ZNF704: variants seen among roughly 807,000 people sequenced by gnomAD.
ZNF704 encodes glucocorticoid induced gene 1.
ZNF704 carries 10 observed loss-of-function variants against 44.7 expected under a neutral mutation model. That is an observed-to-expected ratio of 0.22 (90% CI 0.14 to 0.38). The LOEUF is 0.38. Ranked by LOEUF, ZNF704 falls within the 10% of genes least tolerant of loss-of-function variation. The pLI, the probability that ZNF704 is intolerant of heterozygous loss-of-function variation, is 1.00. For missense variants in ZNF704, 390 were observed against 545.5 expected (o/e 0.71, Z 2.84); for synonymous variants, 211 against 207.6 (o/e 1.02, Z -0.14).
At chr8:80,789,121 C>T (rs1443486118) in intron 2 of ZNF704, among the ~76,000 whole-genome samples, 1 of 151,944 alleles carries the variant, frequency 6.6e-6, no homozygotes, top group Admixed American at 6.6e-5. Context: ...CCAAGAGAAA[C>T]CATAAGAAAA....
At chr8:80,849,504 C>T (rs1231060308) in intron 1 of ZNF704, among the ~76,000 whole-genome samples, 1 of 152,220 alleles carries the variant, frequency 6.6e-6, no homozygotes, top group Admixed American at 6.5e-5. Context: ...TTATTTCCCA[C>T]AGACTCTAGA....
chr8:80,766,178 T>C (rs1277077413), intron 2 of ZNF704, among the ~76,000 whole-genome samples: 1 of 152,190 alleles, frequency 6.6e-6, no homozygotes, highest in Non-Finnish European at 1.5e-5. Flanking sequence ...TCACAGTAAC[T>C]GATCCAAGGG....
chr8:80,743,292 G>A (rs1806794159), intron 2 of ZNF704, among the ~76,000 whole-genome samples: 1 of 150,718 alleles, frequency 6.6e-6, no homozygotes. Flanking sequence ...TCTTATCAGT[G>A]CAAAGGTTAA....
intron 3 of ZNF704, among the ~76,000 whole-genome samples, chr8:80,689,337 G>A (rs1244229493): frequency 2.0e-5 from 3 of 152,160 alleles, no homozygotes; most frequent in Middle Eastern, 3.2e-3. Flanking sequence ...AGTTGAAATA[G>A]GAGAAACTAC....
chr8:80,685,053 G>A (rs1296832064), intron 4 of ZNF704, among the ~76,000 whole-genome samples: 1 of 151,846 alleles, frequency 6.6e-6, no homozygotes, highest in Admixed American at 6.6e-5. Flanking sequence ...AAGAAAGAAG[G>A]ATAAACACTA....
chr8:80,823,994 A>T (rs1383453122), intron 1 of ZNF704, among the ~76,000 whole-genome samples: 1 of 152,204 alleles, frequency 6.6e-6, no homozygotes, highest in African/African-American at 2.4e-5. Context: ...AAAAGCTGAA[A>T]ATTCTAAAAA....
intron 2 of ZNF704, among the ~76,000 whole-genome samples, chr8:80,775,077 G>A (rs1209872876): frequency 1.3e-5 from 2 of 151,954 alleles, no homozygotes; most frequent in East Asian, 3.9e-4. Flanking sequence ...ATGTCTACTC[G>A]AGCTTCCAAA....
At chr8:80,725,747 G>T (rs1188829657) in intron 2 of ZNF704, among the ~76,000 whole-genome samples, 1 of 152,108 alleles carries the variant, frequency 6.6e-6, no homozygotes. Context: ...ATGTCTCCCT[G>T]GGGGCTTACT....
chr8:80,692,315 TCTGTAAAATAGTGATAATAATAC>T (rs577196351), intron 3 of ZNF704, among the ~76,000 whole-genome samples: 196 of 152,362 alleles, frequency 1.3e-3, no homozygotes, highest in African/African-American at 4.5e-3. Context: ...AGTTTACTCA[TCTGTAAAATAGTGATAATAATAC>T]CTCATAGAAT....
At position 80,739,772 on chromosome 8, in the gene ZNF704, G is replaced by A. The variant is rs1038406420; in HGVS notation, c.222-46665C>T. Among the ~76,000 whole-genome samples, 13 of 152,314 alleles carry A rather than the reference G, an allele frequency of 8.5e-5. No homozygotes were observed. In the South Asian group the frequency reaches 2.5e-3, roughly 29 times the overall value. On this transcript the variant is annotated intron_variant, in intron 2 of 8. Transcript: ENST00000327835. Reference sequence around the variant, plus strand: ...TGAATGCTAATAGGGCTTGCTTCCAGTGCGGTCTACAAGGACACTTTAAAA... The same window carrying A: ...TGAATGCTAATAGGGCTTGCTTCCAATGCGGTCTACAAGGACACTTTAAAA...
intron 7 of ZNF704, among the ~76,000 whole-genome samples, chr8:80,647,368 G>C (rs7840090): frequency 0.032 from 4,918 of 152,268 alleles, 290 homozygotes; most frequent in African/African-American, 0.11. Context: ...AGGGTGGGAG[G>C]AGAGGAGACG....
chr8:80,761,431 G>A (rs1333152289), intron 2 of ZNF704, among the ~76,000 whole-genome samples: 1 of 152,054 alleles, frequency 6.6e-6, no homozygotes, highest in Non-Finnish European at 1.5e-5. Flanking sequence ...CTTTTTGGGG[G>A]TTTGGGCCAT....
chr8:80,882,967 G>C, the ZNF704 span, among the ~76,000 whole-genome samples: 1 of 150,944 alleles, frequency 6.6e-6, no homozygotes, highest in Non-Finnish European at 1.5e-5. Context: ...GCCAGGTGTG[G>C]TGGCTCATGC....
At position 80,821,558 on chromosome 8, in the gene ZNF704, C is replaced by A; in HGVS notation, c.37G>T (p.Asp13Tyr). Reference protein sequence around the residue: ...FTFQSEDLKRDCGKKMSHQHV... With the variant: ...FTFQSEDLKRYCGKKMSHQHV... ...TGATGAGACATTTTTTTACCACAGT[C>A]ACGTTTTAAGTCCTCTGACTGAAAT... is the stretch of plus-strand genomic sequence containing the variant. Residue 13 changes from aspartate to tyrosine, a missense_variant, in exon 2 of 9, where the codon GAC becomes TAC. By Grantham distance (160) the Asp-to-Tyr change is radical (BLOSUM62 -3). Around this residue, in one of 3 missense-constraint regions of ZNF704, gnomAD observed 80 missense variants for 83.7 expected, o/e 0.96. Coordinates refer to ENST00000327835, the MANE Select transcript of ZNF704 (RefSeq NM_001033723.3). The A allele has an allele frequency of 6.2e-7, 1 of 1,613,986 alleles. No homozygotes were observed. The highest frequency in any genetic ancestry group is 1.1e-5 in the South Asian group (1 of 90,994).
In ZNF704 at chr8:80,781,447, C is replaced by T. The variant is rs562169792; in HGVS notation, c.221+39927G>A. Among the ~76,000 whole-genome samples the T allele has an allele frequency of 2.4e-4, 36 of 152,254 alleles. 1 individual carries two copies. The highest frequency in any genetic ancestry group is 1.6e-3 in the Admixed American group (24 of 15,284). On this transcript the variant is annotated intron_variant, in intron 2 of 8. Coordinates refer to ENST00000327835, the MANE Select transcript of ZNF704 (RefSeq NM_001033723.3). ...AAATTTGAATTTCATATAATTTTCA[C>T]GTCATGAAATATTATTCTTCTTTTG...
At chr8:80,746,884 T>A (rs1052118372) in intron 2 of ZNF704, among the ~76,000 whole-genome samples, 12 of 152,094 alleles carry the variant, frequency 7.9e-5, no homozygotes, top group African/African-American at 2.9e-4. Context: ...TAAGGTGAAA[T>A]GAAAATATAG....
chr8:80,747,868 C>T (rs920507885), intron 2 of ZNF704, among the ~76,000 whole-genome samples: 5 of 152,176 alleles, frequency 3.3e-5, no homozygotes, highest in Non-Finnish European at 5.9e-5. Context: ...AGGTGCATGC[C>T]ACCACACCTG....
At chr8:80,783,607 A>C (rs1044401866) in intron 2 of ZNF704, among the ~76,000 whole-genome samples, 1 of 152,192 alleles carries the variant, frequency 6.6e-6, no homozygotes, top group African/African-American at 2.4e-5. Flanking sequence ...TTTTTAGAGC[A>C]GTTTTAAGTT....
intron 7 of ZNF704, among the ~76,000 whole-genome samples, chr8:80,646,356 A>G (rs907911951): frequency 2.0e-5 from 3 of 151,994 alleles, no homozygotes; most frequent in African/African-American, 2.4e-5. Context: ...ATGTGCACCT[A>G]AAGTCCCAGC....
Sources: gnomAD v4.1 joint callset for allele counts (sites outside exome capture counted in the v4.1 genomes callset) on GRCh38, gnomAD v4.1.1 for gene constraint, gnomAD v4.1.1 regional missense constraint, MANE v1.5 for transcripts, NCBI Gene and HGNC (gene_info 2026-07-23, HGNC 2026-07-21) for gene names.